Variants in OTOGL observed in about 807,000 individuals in gnomAD.
OTOGL encodes otogelin like, also known as otogelin-like protein.
In OTOGL, 285 loss-of-function variants were observed where a neutral mutation model predicts 318.5. The ratio of observed to expected loss-of-function variants is 0.89; its 90% confidence interval spans 0.81 to 0.99. OTOGL has a LOEUF of 0.99. OTOGL is among the 50% of genes least tolerant of loss of function. The pLI, the probability that OTOGL is intolerant of heterozygous loss-of-function variation, is 0.00. For missense variants in OTOGL, 2,899 were observed against 2,845.6 expected (o/e 1.02, Z -0.43); for synonymous variants, 987 against 936.5 (o/e 1.05, Z -0.99).
At chr12:80,278,885 G>A (rs2137621741) in intron 25 of OTOGL, 143 bp from the exon 26 acceptor site, 3 of 904,390 alleles carry the variant, frequency 3.3e-6, no homozygotes, top group Non-Finnish European at 5.1e-6. Flanking sequence ...TGTAATAGGT[G>A]GTATCAGAAT....
rs772797345 is a variant in OTOGL, at chr12:80,366,644, A to G, written c.6331+7A>G. On this transcript the variant is annotated splice_region_variant and intron_variant, in intron 53 of 58. Transcript: ENST00000547103. ...TGCATACAGTATCTCTGTGGTAACTATGTCTTTTGTAACTTTTAAATTATA... is the reference window on the plus strand; with the variant it reads ...TGCATACAGTATCTCTGTGGTAACTGTGTCTTTTGTAACTTTTAAATTATA... 2.2e-6 allele frequency: 3 copies of G among 1,343,634 alleles called. No individual in the cohort carries two copies. The highest frequency in any genetic ancestry group is 2.4e-5 in the Admixed American group (1 of 41,520). The allele number at this position is 1,343,634 out of a possible 1,614,324, so 83.2% of individuals were successfully genotyped here.
chr12:80,183,061 A>C (rs1875038332), intron 1 of OTOGL, among the ~76,000 whole-genome samples: 1 of 152,224 alleles, frequency 6.6e-6, no homozygotes, highest in Admixed American at 6.5e-5. Context: ...TTTTACTGAA[A>C]AGTGAGAAAA....
chr12:80,303,808 C>T (rs1248776927), intron 28 of OTOGL, among the ~76,000 whole-genome samples: 1 of 152,194 alleles, frequency 6.6e-6, no homozygotes, highest in Non-Finnish European at 1.5e-5. Context: ...ATGATCCAAT[C>T]ACCTCTCACC....
intron 11 of OTOGL, among the ~76,000 whole-genome samples, chr12:80,240,141 G>T (rs1880251208): frequency 6.6e-6 from 1 of 152,000 alleles, no homozygotes; most frequent in South Asian, 2.1e-4. Context: ...GATGGACACA[G>T]GTTGATTCCA....
rs199661687 is a variant in OTOGL, at chr12:80,265,016, A to G, written c.2030A>G (p.His677Arg). 3.7e-6 allele frequency: 6 copies of G among 1,613,908 alleles called. No individual in the cohort carries two copies. Among genetic ancestry groups the G allele is most frequent in the Middle Eastern group, 1.7e-4 (1 of 6,060 alleles). ...INQQNIGYAA[H>R]CDVIHQELFA... ...TCTTTGTTAGTTGGGTATGCAGCAC[A>G]CTGTGATGTCATCCACCAGGAGCTC... is the stretch of plus-strand genomic sequence containing the variant. The change falls in exon 20 of 59, where the codon CAC becomes CGC. Residue 677 changes from histidine to arginine, a missense_variant. His to Arg is a conservative substitution (Grantham distance 29). This residue lies in a region of OTOGL where 2,607 missense variants were observed against 2,524.9 expected (regional missense o/e 1.03). Coordinates refer to ENST00000547103, the MANE Select transcript of OTOGL (RefSeq NM_001378609.3).
rs1880172042 is a variant in OTOGL, at chr12:80,239,404, C to T, written c.1017C>T (p.Tyr339=). ...FLSCHEYIDP[Y]LYIASCVNDL... ...GCTGCCATGAGTATATCGATCCATA[C>T]TTATATATTGCCAGCTGTGTTAATG... is the stretch of plus-strand genomic sequence containing the variant. The change falls in exon 11 of 59, where the codon TAC becomes TAT. Residue 339 remains tyrosine, a synonymous_variant. Transcript: ENST00000547103. 4.4e-6 allele frequency: 7 copies of T among 1,606,112 alleles called. No individual in the cohort carries two copies. The highest frequency in any genetic ancestry group is 6.0e-6 in the Non-Finnish European group (7 of 1,174,978).
intron 3 of OTOGL, 28 bp from the exon 4 acceptor site, chr12:80,211,921 T>A (rs1037394082): frequency 1.3e-6 from 2 of 1,541,238 alleles, no homozygotes; most frequent in Non-Finnish European, 1.7e-6. Flanking sequence ...GGCCTTTGAC[T>A]GTACAAGTTC....
At chr12:80,226,177 A>AAC (rs35975748) in intron 7 of OTOGL, among the ~76,000 whole-genome samples, 17,137 of 132,680 alleles carry the variant, frequency 0.13, 1,175 homozygotes, top group African/African-American at 0.16. Context: ...TCCTGCTCCT[A>AAC]ACACACACAC....
intron 38 of OTOGL, among the ~76,000 whole-genome samples, chr12:80,333,321 TAA>T (rs1183838639): frequency 6.6e-6 from 1 of 151,396 alleles, no homozygotes; most frequent in Non-Finnish European, 1.5e-5. Flanking sequence ...GATTCCTTAA[TAA>T]AGAGTTATCT....
rs1435691327 is a variant in OTOGL at position 80,358,916 on chromosome 12, T to G, written c.6267+16T>G. The G allele has an allele frequency of 1.6e-5, 24 of 1,455,796 alleles. No individual in the cohort carries two copies. The highest frequency in any genetic ancestry group is 2.1e-5 in the Non-Finnish European group (23 of 1,081,242). The allele number at this position is 1,455,796 out of a possible 1,614,324, so 90.2% of individuals were successfully genotyped here. A position where few individuals can be genotyped will look rare whatever the true frequency, so the allele number is the denominator to read the frequency against. ...TTGTGAAGTGGTAAGAACACATATTTTGATTGACTTGTCATATTTATTTAA... is the reference window on the plus strand; with the variant it reads ...TTGTGAAGTGGTAAGAACACATATTGTGATTGACTTGTCATATTTATTTAA... On this transcript the variant is annotated intron_variant, in intron 52 of 58. Coordinates refer to ENST00000547103, the MANE Select transcript of OTOGL (RefSeq NM_001378609.3).
chr12:80,378,060 C>T lies in OTOGL; in HGVS notation c.*12C>T, dbSNP rs772796896. ...GCCAGTGGAATTAAACCCTTGGGTTCCAAGAGCTCTATACAACATCATAAC... is the reference window on the plus strand; with the variant it reads ...GCCAGTGGAATTAAACCCTTGGGTTTCAAGAGCTCTATACAACATCATAAC... On this transcript the variant is annotated 3_prime_UTR_variant, in exon 59 of 59. Coordinates refer to ENST00000547103, the MANE Select transcript of OTOGL (RefSeq NM_001378609.3). The T allele has an allele frequency of 1.3e-6, 2 of 1,537,262 alleles. No individual in the cohort carries two copies. The highest frequency in any genetic ancestry group is 1.8e-6 in the Non-Finnish European group (2 of 1,129,930).
intron 2 of OTOGL, 71 bp from the exon 3 acceptor site, chr12:80,210,776 T>G: frequency 9.0e-7 from 1 of 1,111,800 alleles, no homozygotes; most frequent in Non-Finnish European, 1.2e-6. Flanking sequence ...AATGTTCTTT[T>G]AAACAACTGG....
chr12:80,180,105 A>G (rs56288938), intron 1 of OTOGL, among the ~76,000 whole-genome samples: 26 of 151,026 alleles, frequency 1.7e-4, no homozygotes, highest in South Asian at 8.4e-4. Flanking sequence ...GAACCTGCAG[A>G]TTGCTACTTT....
chr12:80,322,567 G>C (rs1431710377), intron 34 of OTOGL, among the ~76,000 whole-genome samples: 1 of 152,142 alleles, frequency 6.6e-6, no homozygotes, highest in Non-Finnish European at 1.5e-5. Flanking sequence ...GCTGTAATTT[G>C]GAATTGAATT....
At chr12:80,162,796 A>G (rs1873599266) in intron 1 of OTOGL, among the ~76,000 whole-genome samples, 1 of 152,098 alleles carries the variant, frequency 6.6e-6, no homozygotes, top group Admixed American at 6.6e-5. Flanking sequence ...TTTCTGAGGT[A>G]CTTGGCGTAG....
rs564820174 is a variant in OTOGL at position 80,266,488 on chromosome 12, T to C, written c.2262T>C (p.Cys754=). Reference sequence around the variant, plus strand: ...AGAAGGGCATGCTGTACCATCACTGTTCCTCGTTCTGCCTCCATTCCTGCA... The same window carrying C: ...AGAAGGGCATGCTGTACCATCACTGCTCCTCGTTCTGCCTCCATTCCTGCA... The part of the protein sequence containing the change: ...VCQKGMLYHH[C]SSFCLHSCIS... Residue 754 remains cysteine, a synonymous_variant, in exon 21 of 59, where the codon TGT becomes TGC. Transcript: ENST00000547103. 8 of 1,613,612 alleles carry C rather than the reference T, an allele frequency of 5.0e-6. No homozygotes were observed. In the South Asian group the frequency reaches 8.8e-5, roughly 18 times the overall value.
At chr12:80,355,224 C>CTTTTTTTTTTTTTTT (rs11343611) in intron 46 of OTOGL, among the ~76,000 whole-genome samples, 2 of 65,602 alleles carry the variant, frequency 3.0e-5, no homozygotes, top group Non-Finnish European at 5.9e-5. Flanking sequence ...TTCTTTCTTT[C>CTTTTTTTTTTTTTTT]TTTTCTTTTT....
intron 1 of OTOGL, among the ~76,000 whole-genome samples, chr12:80,195,900 C>T (rs1876029504): frequency 6.6e-6 from 1 of 152,150 alleles, no homozygotes; most frequent in African/African-American, 2.4e-5. Context: ...TAAACGGTTA[C>T]CAGAATATCA....
intron 53 of OTOGL, among the ~76,000 whole-genome samples, chr12:80,367,216 C>A (rs1320205806): frequency 2.0e-5 from 3 of 150,660 alleles, no homozygotes; most frequent in Non-Finnish European, 4.4e-5. Context: ...CTCTAGCAAT[C>A]CTCTCACTTT....
Sources: gnomAD v4.1 joint callset for allele counts (sites outside exome capture counted in the v4.1 genomes callset) on GRCh38, gnomAD v4.1.1 for gene constraint, gnomAD v4.1.1 regional missense constraint, MANE v1.5 for transcripts, NCBI Gene and HGNC (gene_info 2026-07-23, HGNC 2026-07-21) for gene names.